Variants in RBFOX1 observed in about 807,000 individuals in gnomAD.
The protein encoded by RBFOX1 is RNA binding fox-1 homolog 1, also known as RNA binding protein fox-1 homolog 1.
In RBFOX1, 8 loss-of-function variants were observed where a neutral mutation model predicts 57.7. The ratio of observed to expected loss-of-function variants is 0.14; its 90% confidence interval spans 0.08 to 0.25. The LOEUF is 0.25. Among genes scored for constraint, RBFOX1 ranks in the 10% least tolerant of loss-of-function variants. The probability of loss-of-function intolerance (pLI) is 1.00; values close to 1 mark genes in which losing one functional copy is unlikely to be tolerated. For synonymous variants in RBFOX1, 326 were observed against 222.4 expected (o/e 1.47, Z -4.15); for missense variants, 611 against 548.5 (o/e 1.11, Z -1.14).
At chr16:6,210,606 C>T (rs1170426142) in intron 1 of RBFOX1, among the ~76,000 whole-genome samples, 3 of 151,896 alleles carry the variant, frequency 2.0e-5, no homozygotes, top group African/African-American at 7.3e-5. Flanking sequence ...TCTGTGGTCC[C>T]AACTACTTGG....
At chr16:6,564,198 C>A (rs1025402057) in intron 2 of RBFOX1, among the ~76,000 whole-genome samples, 2 of 152,100 alleles carry the variant, frequency 1.3e-5, no homozygotes, top group Non-Finnish European at 2.9e-5. Flanking sequence ...GCCTTGCTTA[C>A]CCTCACTGTG....
At chr16:7,254,852 T>C (rs2094614394) in intron 4 of RBFOX1, among the ~76,000 whole-genome samples, 1 of 152,120 alleles carries the variant, frequency 6.6e-6, no homozygotes, top group African/African-American at 2.4e-5. Context: ...ATGAGTGATT[T>C]TGGTCTGAAA....
intron 4 of RBFOX1, among the ~76,000 whole-genome samples, chr16:7,289,662 CA>C (rs1381867341): frequency 1.3e-5 from 2 of 152,168 alleles, no homozygotes; most frequent in African/African-American, 4.8e-5. Context: ...TCACCACCCC[CA>C]CCATCATCAT....
chr16:6,665,077 G>A (rs2098723477), intron 3 of RBFOX1, among the ~76,000 whole-genome samples: 1 of 152,216 alleles, frequency 6.6e-6, no homozygotes, highest in Non-Finnish European at 1.5e-5. Flanking sequence ...AAGTGGGACT[G>A]TCTTCAGCAT....
Position 6,977,324 on chromosome 16 carries a change from ATAT to A in RBFOX1, c.-15-74729_-15-74727del, listed in dbSNP as rs1488049541. Among the ~76,000 whole-genome samples the A allele has an allele frequency of 5.3e-5, 8 of 152,066 alleles. No individual in the cohort carries two copies. The South Asian group carries it at 1.2e-3, about 24-fold the overall frequency. On this transcript the variant is annotated intron_variant, in intron 3 of 15. Transcript: ENST00000550418. The stretch of plus-strand genomic sequence containing the variant: ...TAATTATTGTGTTTTGCAAGAATTG[ATAT>A]TATGATCTTTGAAGCAAAATTAGGA...
intron 14 of RBFOX1, among the ~76,000 whole-genome samples, chr16:7,706,164 G>C (rs1302240981): frequency 1.3e-5 from 2 of 152,142 alleles, no homozygotes; most frequent in African/African-American, 4.8e-5. Context: ...TGACTAAATT[G>C]TAGTGTCACA....
intron 3 of RBFOX1, among the ~76,000 whole-genome samples, chr16:6,829,511 T>G (rs1412758783): frequency 1.3e-5 from 2 of 151,330 alleles, no homozygotes; most frequent in Non-Finnish European, 2.9e-5. Context: ...AAACGTTAAC[T>G]TATAGGTACT....
chr16:5,468,807 A>G (rs2069035594), intron 2 of RBFOX1, among the ~76,000 whole-genome samples: 1 of 152,190 alleles, frequency 6.6e-6, no homozygotes, highest in Admixed American at 6.5e-5. Flanking sequence ...CTGTGCTGAC[A>G]TTGGCTGGTT....
chr16:6,152,276 C>G (rs2096802835), intron 1 of RBFOX1, among the ~76,000 whole-genome samples: 1 of 152,166 alleles, frequency 6.6e-6, no homozygotes, highest in Non-Finnish European at 1.5e-5. Flanking sequence ...CAGCTTAGTT[C>G]TTTCTGTCTC....
chr16:7,493,588 C>CAG (rs1328405096), intron 4 of RBFOX1, among the ~76,000 whole-genome samples: 1 of 151,852 alleles, frequency 6.6e-6, no homozygotes, highest in Non-Finnish European at 1.5e-5. Context: ...GAGTCAGAGT[C>CAG]AGAGAGGAAG....
chr16:6,371,200 T>C (rs1292605289), intron 2 of RBFOX1, among the ~76,000 whole-genome samples: 3 of 152,214 alleles, frequency 2.0e-5, no homozygotes, highest in Non-Finnish European at 4.4e-5. Flanking sequence ...GGAATGGTTT[T>C]AGACTTTTAA....
intron 3 of RBFOX1, among the ~76,000 whole-genome samples, chr16:5,733,312 G>T (rs1043427345): frequency 6.6e-6 from 1 of 152,122 alleles, no homozygotes; most frequent in African/African-American, 2.4e-5. Context: ...TAAACGCTAG[G>T]CTGTGGGTGG....
intron 2 of RBFOX1, among the ~76,000 whole-genome samples, chr16:6,393,115 T>G (rs1029402408): frequency 3.3e-5 from 5 of 152,228 alleles, no homozygotes; most frequent in Non-Finnish European, 5.9e-5. Flanking sequence ...AGGCTTTAAC[T>G]ATGAGTATAT....
At chr16:6,500,914 T>TC (rs2095898249) in intron 2 of RBFOX1, among the ~76,000 whole-genome samples, 1 of 65,686 alleles carries the variant, frequency 1.5e-5, no homozygotes, top group Non-Finnish European at 3.7e-5. Flanking sequence ...TGCTGAGACA[T>TC]CCTCTGTCCC....
chr16:6,252,212 A>G (rs2097620524), intron 1 of RBFOX1, among the ~76,000 whole-genome samples: 1 of 152,080 alleles, frequency 6.6e-6, no homozygotes, highest in South Asian at 2.1e-4. Flanking sequence ...GAAAAGGCAG[A>G]GAGCCCTTCT....
At chr16:5,730,189 C>A (rs573608366) in intron 3 of RBFOX1, among the ~76,000 whole-genome samples, 101 of 152,318 alleles carry the variant, frequency 6.6e-4, no homozygotes, top group African/African-American at 2.2e-3. Context: ...AGCCAGATCA[C>A]CAGCCTACCA....
At chr16:6,779,939 A>ATATATT (rs1567210458) in intron 3 of RBFOX1, among the ~76,000 whole-genome samples, 1 of 7,446 alleles carries the variant, frequency 1.3e-4, no homozygotes, top group Non-Finnish European at 2.3e-4. Context: ...ATATATATTT[A>ATATATT]TATATATTTA....
intron 3 of RBFOX1, among the ~76,000 whole-genome samples, chr16:6,867,534 C>T (rs1471155755): frequency 1.3e-5 from 2 of 152,090 alleles, no homozygotes; most frequent in Admixed American, 6.6e-5. Context: ...GCCTGGCCAA[C>T]ATGGCAAAAC....
At chr16:7,417,359 C>A (rs112042356) in intron 4 of RBFOX1, among the ~76,000 whole-genome samples, 4 of 125,340 alleles carry the variant, frequency 3.2e-5, no homozygotes, top group Admixed American at 9.5e-5. Flanking sequence ...GGCAACAGAG[C>A]GAGACTCTGT....
Sources: allele counts gnomAD v4.1 joint callset (sites outside exome capture counted in the v4.1 genomes callset), GRCh38; gene constraint gnomAD v4.1.1; transcripts MANE v1.5; gene names NCBI Gene and HGNC (gene_info 2026-07-23, HGNC 2026-07-21).